The following SFMBT2 variants were observed in gnomAD, a reference collection of about 807,000 sequenced individuals.
SFMBT2 encodes scm-like with four MBT domains protein 2.
A neutral mutation model predicts 110.1 loss-of-function variants in SFMBT2; 38 were observed. That is an observed-to-expected ratio of 0.35 (90% CI 0.27 to 0.45). The LOEUF (loss-of-function observed/expected upper bound fraction) is 0.45, where lower values mean the gene tolerates loss of function less well. Among genes scored for constraint, SFMBT2 ranks in the 20% least tolerant of loss-of-function variants. The probability of loss-of-function intolerance (pLI) is 1.00; values close to 1 mark genes in which losing one functional copy is unlikely to be tolerated. For missense variants in SFMBT2, 1,011 were observed against 1,094.9 expected, an observed-to-expected ratio of 0.92 and a Z score of 1.08; for synonymous variants, 425 against 425.4, an observed-to-expected ratio of 1.00 and a Z score of 0.01.
At chr10:7,262,381 A>G (rs1417381157) in intron 7 of SFMBT2, among the ~76,000 whole-genome samples, 1 of 152,218 alleles carries the variant, frequency 6.6e-6, no homozygotes, top group East Asian at 1.9e-4. Flanking sequence ...TGGCCCAAAA[A>G]ATAAAAAATC....
At chr10:7,297,936 C>A (rs1003989643) in intron 4 of SFMBT2, among the ~76,000 whole-genome samples, 4 of 152,206 alleles carry the variant, frequency 2.6e-5, no homozygotes, top group Non-Finnish European at 4.4e-5. Flanking sequence ...ACCACCTCCA[C>A]AGTGGGAGCA....
chr10:7,316,085 G>C (rs1447787011), intron 4 of SFMBT2, among the ~76,000 whole-genome samples: 1 of 152,200 alleles, frequency 6.6e-6, no homozygotes, highest in Non-Finnish European at 1.5e-5. Context: ...ACCATGCTGA[G>C]AACAGATGGT....
At chr10:7,249,869 GTC>G (rs1840745712) in intron 7 of SFMBT2, among the ~76,000 whole-genome samples, 1 of 152,184 alleles carries the variant, frequency 6.6e-6, no homozygotes, top group South Asian at 2.1e-4. Flanking sequence ...GTCGGCAAAG[GTC>G]TCTGTTTTGG....
chr10:7,311,045 C>CAAAAAAAAAAAAAAAAAAAAAAAAA (rs201310544), intron 4 of SFMBT2, among the ~76,000 whole-genome samples: 2 of 96,938 alleles, frequency 2.1e-5, no homozygotes, highest in Non-Finnish European at 4.1e-5. Context: ...AACTCCATCT[C>CAAAAAAAAAAAAAAAAAAAAAAAAA]AAAAAAAAAA....
intron 4 of SFMBT2, among the ~76,000 whole-genome samples, chr10:7,318,736 G>C (rs549888521): frequency 6.6e-6 from 1 of 152,338 alleles, no homozygotes; most frequent in South Asian, 2.1e-4. Flanking sequence ...TTCTATTCTG[G>C]GCTAGGACAG....
chr10:7,288,031 T>C (rs1253746522), intron 4 of SFMBT2, among the ~76,000 whole-genome samples: 1 of 152,256 alleles, frequency 6.6e-6, no homozygotes, highest in African/African-American at 2.4e-5. Context: ...TGTTTTATTA[T>C]AAACATACTA....
chr10:7,228,725 TTCTTTCTTTCCTTTCTCTC>T (rs1564395260), intron 9 of SFMBT2, among the ~76,000 whole-genome samples: 71 of 108,482 alleles, frequency 6.5e-4, no homozygotes, highest in Middle Eastern at 5.0e-3. Context: ...CTTTCTTTCT[TTCTTTCTTTCCTTTCTCTC>T]TCTCTCTCTC....
intron 4 of SFMBT2, among the ~76,000 whole-genome samples, chr10:7,324,225 G>A (rs1843299505): frequency 6.6e-6 from 1 of 152,152 alleles, no homozygotes; most frequent in African/African-American, 2.4e-5. Flanking sequence ...TTTGCTATAA[G>A]TGTGAATAAT....
intron 1 of SFMBT2, among the ~76,000 whole-genome samples, chr10:7,389,808 T>G (rs906160000): frequency 6.6e-6 from 1 of 152,242 alleles, no homozygotes; most frequent in Admixed American, 6.5e-5. Flanking sequence ...CAGGTGTTAT[T>G]ATGATTCATT....
intron 4 of SFMBT2, among the ~76,000 whole-genome samples, chr10:7,338,718 G>A (rs1314745020): frequency 6.6e-6 from 1 of 152,094 alleles, no homozygotes; most frequent in Non-Finnish European, 1.5e-5. Flanking sequence ...GTTCAAACTC[G>A]TGTTGTTCAA....
At chr10:7,279,965 T>C (rs4748805) in intron 6 of SFMBT2, among the ~76,000 whole-genome samples, 87,983 of 152,000 alleles carry the variant, frequency 0.58, 25,761 homozygotes, top group East Asian at 0.74. Context: ...ATGTTTCTCC[T>C]CACAATTCTT....
At chr10:7,164,194 C>G in intron 20 of SFMBT2, 1 of 868,894 alleles carries the variant, frequency 1.2e-6, no homozygotes, top group Non-Finnish European at 1.4e-6. Flanking sequence ...TGAGACAAGT[C>G]TGGGTAACAC....
intron 4 of SFMBT2, among the ~76,000 whole-genome samples, chr10:7,360,331 G>A (rs1485685897): frequency 6.6e-6 from 1 of 152,174 alleles, no homozygotes; most frequent in Non-Finnish European, 1.5e-5. Context: ...GCTAGGCATG[G>A]TGGTGCGTGC....
At chr10:7,334,737 C>T (rs1054092215) in intron 4 of SFMBT2, among the ~76,000 whole-genome samples, 106 of 152,332 alleles carry the variant, frequency 7.0e-4, no homozygotes, top group African/African-American at 2.5e-3. Flanking sequence ...TCTGACTTGC[C>T]GTTTCCCACT....
At chr10:7,280,539 A>G (rs1841921495) in intron 6 of SFMBT2, among the ~76,000 whole-genome samples, 1 of 152,234 alleles carries the variant, frequency 6.6e-6, no homozygotes, top group African/African-American at 2.4e-5. Context: ...ACATCCAGAA[A>G]TAGGAGAGCA....
At chr10:7,384,135 C>T (rs527878859) in intron 1 of SFMBT2, among the ~76,000 whole-genome samples, 179 of 124,380 alleles carry the variant, frequency 1.4e-3, no homozygotes, top group African/African-American at 5.4e-3. Flanking sequence ...CGCTTGAACC[C>T]GGGAGGCGGA....
chr10:7,353,493 G>GAA (rs34329600), intron 4 of SFMBT2, among the ~76,000 whole-genome samples: 201 of 140,606 alleles, frequency 1.4e-3, no homozygotes, highest in Middle Eastern at 3.7e-3. Context: ...AAATCATAAA[G>GAA]AAAAAAAAAA....
chr10:7,170,126 T>G lies in SFMBT2; in HGVS notation c.2544+802A>C, dbSNP rs1837826892. Among the ~76,000 whole-genome samples the G allele has an allele frequency of 6.6e-6, 1 of 151,974 alleles. No homozygotes were observed. Among genetic ancestry groups the G allele is most frequent in the Non-Finnish European group, 1.5e-5 (1 of 67,986 alleles). On this transcript the variant is annotated intron_variant, in intron 20 of 20. Coordinates refer to ENST00000397167, the MANE Select transcript of SFMBT2 (RefSeq NM_001387889.1). The surrounding 1 kb of genome is among the most constrained non-coding windows in gnomAD (Gnocchi z 4.6). ...ATATACAAATTCACAAACAGAAGAC[T>G]CTGGAAGGTGGAGAAAGGAGGGCAG...
intron 6 of SFMBT2, among the ~76,000 whole-genome samples, chr10:7,277,654 T>C (rs1372151458): frequency 1.3e-5 from 2 of 150,784 alleles, no homozygotes; most frequent in Admixed American, 6.6e-5. Context: ...AAAAAAAACG[T>C]TGAGCACTGT....
Sources: gnomAD v4.1 joint callset for allele counts (sites outside exome capture counted in the v4.1 genomes callset) on GRCh38, gnomAD v4.1.1 for gene constraint, Gnocchi (gnomAD v3.1) non-coding constraint, MANE v1.5 for transcripts, NCBI Gene and HGNC (gene_info 2026-07-23, HGNC 2026-07-21) for gene names.